The following KCNA6 variants were observed in gnomAD, a reference collection of about 807,000 sequenced individuals.
KCNA6 encodes the protein human brain potassium channel-2.
A neutral mutation model predicts 29.5 loss-of-function variants in KCNA6; 17 were observed. That is an observed-to-expected ratio of 0.58 (90% CI 0.39 to 0.86). The LOEUF is 0.86. KCNA6 is among the 40% of genes least tolerant of loss of function. The pLI is 0.00. For missense variants in KCNA6, 450 were observed against 703.4 expected (o/e 0.64, Z 4.07); for synonymous variants, 296 against 304.7 (o/e 0.97, Z 0.30).
the KCNA6 span, among the ~76,000 whole-genome samples, chr12:4,832,132 G>A: frequency 6.6e-5 from 10 of 152,082 alleles, no homozygotes; most frequent in Non-Finnish European, 1.3e-4. Context: ...AGAGAACAGG[G>A]GCCTTTCTTT....
the KCNA6 span, among the ~76,000 whole-genome samples, chr12:4,830,770 G>T: frequency 6.6e-6 from 1 of 152,270 alleles, no homozygotes; most frequent in Non-Finnish European, 1.5e-5. Flanking sequence ...CTTGGGCGGA[G>T]TGGGAGGCTG....
At chr12:4,833,668 G>A in the KCNA6 span, among the ~76,000 whole-genome samples, 1 of 152,210 alleles carries the variant, frequency 6.6e-6, no homozygotes, top group Non-Finnish European at 1.5e-5. Flanking sequence ...CATGCTCACA[G>A]ATGGCAGCAG....
the KCNA6 span, among the ~76,000 whole-genome samples, chr12:4,828,694 A>G: frequency 6.6e-6 from 1 of 152,224 alleles, no homozygotes; most frequent in South Asian, 2.1e-4. Flanking sequence ...TATTATCTCC[A>G]TTTCACAGAA....
chr12:4,810,015 T>C lies in KCNA6; in HGVS notation c.-27T>C. 1 of 1,465,366 alleles carries C rather than the reference T, an allele frequency of 6.8e-7. No homozygotes were observed. Among genetic ancestry groups the C allele is most frequent in the Non-Finnish European group, 9.0e-7 (1 of 1,113,302 alleles). 90.8% of individuals were successfully genotyped at this position (1,465,366 alleles called of 1,614,324 possible). On this transcript the variant is annotated 5_prime_UTR_variant, in exon 1 of 1. Coordinates refer to ENST00000280684, the Ensembl canonical transcript of KCNA6. The surrounding 1 kb of genome is among the most constrained non-coding windows in gnomAD (Gnocchi z 7.5). The stretch of plus-strand genomic sequence containing the variant: ...GATTGTGTCGTGGGCGCCGTCCTAG[T>C]GGCGGGGAGCGCACCTCCGAGGGGG...
downstream of KCNA6, chr12:4,813,928 G>A (rs1213090265): frequency 6.0e-6 from 1 of 167,128 alleles, no homozygotes; most frequent in African/African-American, 2.4e-5. Flanking sequence ...GGAGAGCCCA[G>A]CTCACCAGGG....
At chr12:4,827,041 CCT>C in the KCNA6 span, among the ~76,000 whole-genome samples, 3 of 151,330 alleles carry the variant, frequency 2.0e-5, no homozygotes, top group Admixed American at 6.6e-5. Context: ...CTCCCTCCTC[CCT>C]CTCTTTGCTT....
chr12:4,848,722 C>T, the KCNA6 span, among the ~76,000 whole-genome samples: 6 of 151,802 alleles, frequency 4.0e-5, no homozygotes, highest in Admixed American at 6.6e-5. Flanking sequence ...TTAGTAGAGA[C>T]GGGGTTTCTC....
At chr12:4,827,638 C>T in the KCNA6 span, among the ~76,000 whole-genome samples, 1 of 152,302 alleles carries the variant, frequency 6.6e-6, no homozygotes, top group East Asian at 1.9e-4. Context: ...GTGAGCAGCC[C>T]CAAGGGCAGG....
chr12:4,843,001 A>G, the KCNA6 span, among the ~76,000 whole-genome samples: 1 of 152,022 alleles, frequency 6.6e-6, no homozygotes, highest in African/African-American at 2.4e-5. Flanking sequence ...GGGAAGGTGA[A>G]AGCTTTGGTA....
At chr12:4,840,723 G>T in the KCNA6 span, among the ~76,000 whole-genome samples, 1 of 152,236 alleles carries the variant, frequency 6.6e-6, no homozygotes, top group Non-Finnish European at 1.5e-5. Context: ...TCAGATTCTG[G>T]TCCCAGAATT....
the KCNA6 span, among the ~76,000 whole-genome samples, chr12:4,827,670 T>C: frequency 6.6e-6 from 1 of 152,214 alleles, no homozygotes; most frequent in Non-Finnish European, 1.5e-5. Context: ...AGTGCCTAGG[T>C]CACCTCACTG....
chr12:4,833,275 C>T, the KCNA6 span, among the ~76,000 whole-genome samples: 1 of 152,176 alleles, frequency 6.6e-6, no homozygotes, highest in Non-Finnish European at 1.5e-5. Flanking sequence ...CTGGTCTCAC[C>T]TGTGCTTCCT....
In KCNA6 at chr12:4,810,511, A is replaced by G. The variant is rs752309113; in HGVS notation, c.470A>G (p.Gln157Arg). 1.9e-6 allele frequency: 3 copies of G among 1,614,176 alleles called. No homozygotes were observed. Among genetic ancestry groups the G allele is most frequent in the South Asian group, 2.2e-5 (2 of 91,082 alleles). ...AAGCCGCTGCCCTCCCAGCCCTTCC[A>G]GCGCCAGGTGTGGCTGCTCTTTGAG... The change falls in exon 1 of 1, where the codon CAG becomes CGG. Residue 157 changes from glutamine to arginine, a missense_variant. Physicochemically the swap from Gln to Arg is conservative, Grantham distance 43. Around this residue, in one of 7 missense-constraint regions of KCNA6, gnomAD observed 133 missense variants for 217.5 expected, o/e 0.61. Coordinates refer to ENST00000280684, the Ensembl canonical transcript of KCNA6. The surrounding 1 kb of genome is among the most constrained non-coding windows in gnomAD (Gnocchi z 7.5).
the KCNA6 span, among the ~76,000 whole-genome samples, chr12:4,825,933 A>G: frequency 6.6e-6 from 1 of 152,214 alleles, no homozygotes; most frequent in Non-Finnish European, 1.5e-5. Context: ...TTTTTTTACG[A>G]TCACTTTTCT....
downstream of KCNA6, chr12:4,814,564 T>TA (rs1167771523): frequency 6.0e-6 from 1 of 167,122 alleles, no homozygotes; most frequent in Non-Finnish European, 1.5e-5. The surrounding 1 kb of genome is among the most constrained non-coding windows in gnomAD (Gnocchi z 4.6). Context: ...TGAGCCTCTT[T>TA]ATTTGGATTT....
At position 4,811,563 on chromosome 12, in the gene KCNA6, C is replaced by G. The variant is rs763082590; in HGVS notation, c.1522C>G (p.Arg508Gly). ...TGACTTCCCCGAGGCTAACCGGGAA[C>G]GGAGACCCAGCTACCTTCCTACACC... is the stretch of plus-strand genomic sequence containing the variant. The change falls in exon 1 of 1, where the codon CGG becomes GGG. Residue 508 changes from arginine to glycine, a missense_variant. Arg to Gly is a moderately radical substitution (Grantham distance 125). Around this residue, in one of 7 missense-constraint regions of KCNA6, gnomAD observed 56 missense variants for 65.2 expected, o/e 0.86. Coordinates refer to ENST00000280684, the Ensembl canonical transcript of KCNA6. The surrounding 1 kb of genome is among the most constrained non-coding windows in gnomAD (Gnocchi z 7.1). 5.3e-5 allele frequency: 86 copies of G among 1,614,124 alleles called. No homozygotes were observed. The highest frequency in any genetic ancestry group is 7.0e-5 in the Non-Finnish European group (83 of 1,180,046).
the KCNA6 span, among the ~76,000 whole-genome samples, chr12:4,843,676 A>T: frequency 6.6e-6 from 1 of 152,164 alleles, no homozygotes; most frequent in Non-Finnish European, 1.5e-5. Flanking sequence ...GGGAGGCTTC[A>T]GGGAGCTTTT....
the KCNA6 span, among the ~76,000 whole-genome samples, chr12:4,823,838 C>T: frequency 6.6e-6 from 1 of 152,188 alleles, no homozygotes; most frequent in Non-Finnish European, 1.5e-5. Flanking sequence ...CTTTTTCTTA[C>T]TGCATGCAGA....
At chr12:4,822,851 G>A in the KCNA6 span, among the ~76,000 whole-genome samples, 3 of 152,182 alleles carry the variant, frequency 2.0e-5, no homozygotes, top group Admixed American at 6.5e-5. Context: ...GCCCATGGCC[G>A]TGCCCGGATT....
Sources: gnomAD v4.1 joint callset for allele counts (sites outside exome capture counted in the v4.1 genomes callset) on GRCh38, gnomAD v4.1.1 for gene constraint, gnomAD v4.1.1 regional missense constraint, Gnocchi (gnomAD v3.1) non-coding constraint, MANE v1.5 for transcripts, NCBI Gene and HGNC (gene_info 2026-07-23, HGNC 2026-07-21) for gene names.